C1QTNF7: variants seen among roughly 807,000 people sequenced by gnomAD.
C1QTNF7 encodes complement C1q tumor necrosis factor-related protein 7.
C1QTNF7 carries 15 observed loss-of-function variants against 19.6 expected under a neutral mutation model. The ratio of observed to expected loss-of-function variants is 0.76; its 90% CI spans 0.51 to 1.18. C1QTNF7 has a LOEUF of 1.18. Among genes scored for constraint, C1QTNF7 ranks in the 50% most tolerant of loss-of-function variants. C1QTNF7 has a pLI of 0.00. For missense variants in C1QTNF7, 324 were observed against 359.7 expected (o/e 0.90, Z 0.80); for synonymous variants, 142 against 137.5 (o/e 1.03, Z -0.23).
intron 1 of C1QTNF7, chr4:15,374,149 G>T (rs1717836719): frequency 6.6e-6 from 1 of 152,194 alleles, no homozygotes. Context: ...TGGCTTGACA[G>T]TCGGCTCTTA....
intron 1 of C1QTNF7, among the ~76,000 whole-genome samples, chr4:15,368,840 C>A (rs1247587612): frequency 6.6e-6 from 1 of 152,204 alleles, no homozygotes; most frequent in Non-Finnish European, 1.5e-5. Flanking sequence ...ACTTGTTAGT[C>A]TCACTGGTTG....
intron 1 of C1QTNF7, among the ~76,000 whole-genome samples, chr4:15,401,216 G>A (rs1362244638): frequency 6.6e-6 from 1 of 152,196 alleles, no homozygotes; most frequent in Non-Finnish European, 1.5e-5. Context: ...TGTAGGGATA[G>A]TCTCTGATGA....
intron 1 of C1QTNF7, among the ~76,000 whole-genome samples, chr4:15,363,311 T>C (rs1236581691): frequency 1.3e-5 from 2 of 152,120 alleles, no homozygotes; most frequent in East Asian, 3.9e-4. Context: ...AAGACATGTT[T>C]AATTGTTATT....
intron 1 of C1QTNF7, among the ~76,000 whole-genome samples, chr4:15,429,655 C>A (rs1005668449): frequency 6.6e-6 from 1 of 152,170 alleles, no homozygotes; most frequent in Non-Finnish European, 1.5e-5. Flanking sequence ...ACTTGGGTTG[C>A]TTCCACCTTT....
At chr4:15,411,639 G>A (rs1359048842) in intron 1 of C1QTNF7, among the ~76,000 whole-genome samples, 15 of 152,096 alleles carry the variant, frequency 9.9e-5, no homozygotes, top group African/African-American at 1.9e-4. Flanking sequence ...AAACCAACCC[G>A]GACACCCCTA....
chr4:15,393,334 A>G (rs1421380395), intron 1 of C1QTNF7, among the ~76,000 whole-genome samples: 13 of 152,196 alleles, frequency 8.5e-5, no homozygotes, highest in Admixed American at 6.5e-5. Flanking sequence ...GCTGGAAACA[A>G]CGTGGGTCCC....
At chr4:15,432,850 A>C (rs916138448) in intron 1 of C1QTNF7, among the ~76,000 whole-genome samples, 4 of 152,176 alleles carry the variant, frequency 2.6e-5, no homozygotes, top group Non-Finnish European at 5.9e-5. Flanking sequence ...TCAATGAATA[A>C]ATCTGTTTAC....
chr4:15,409,389 G>A (rs1243011559), intron 1 of C1QTNF7, among the ~76,000 whole-genome samples: 3 of 152,158 alleles, frequency 2.0e-5, no homozygotes, highest in Admixed American at 6.5e-5. Flanking sequence ...TGCAGCTTGC[G>A]AATGGGCCTC....
chr4:15,360,923 T>C (rs1470023121), intron 1 of C1QTNF7, among the ~76,000 whole-genome samples: 1 of 152,200 alleles, frequency 6.6e-6, no homozygotes, highest in Non-Finnish European at 1.5e-5. Context: ...AGTCAAGTCA[T>C]GTTAGGTAGG....
At chr4:15,407,786 G>T (rs1482124127) in intron 1 of C1QTNF7, among the ~76,000 whole-genome samples, 1 of 152,150 alleles carries the variant, frequency 6.6e-6, no homozygotes, top group African/African-American at 2.4e-5. Flanking sequence ...TGTTAGCCGG[G>T]TGTGGTGGTG....
chr4:15,418,583 G>A (rs1372782299), intron 1 of C1QTNF7, among the ~76,000 whole-genome samples: 1 of 151,974 alleles, frequency 6.6e-6, no homozygotes, highest in African/African-American at 2.4e-5. Flanking sequence ...AGTGACTTTC[G>A]CTGATCTCCC....
chr4:15,359,219 C>T (rs1384132911), intron 1 of C1QTNF7, among the ~76,000 whole-genome samples: 1 of 152,144 alleles, frequency 6.6e-6, no homozygotes, highest in African/African-American at 2.4e-5. Flanking sequence ...AACCAGTATC[C>T]TTGTGCCCAA....
rs1712973816 is a variant in C1QTNF7, at chr4:15,445,796, T to C, written c.*2997T>C. 6.6e-6 allele frequency: 1 copy of C among 152,188 alleles called. No homozygotes were observed. The highest frequency in any genetic ancestry group is 1.5e-5 in the Non-Finnish European group (1 of 68,036). 9.4% of individuals were successfully genotyped at this position (152,188 alleles called of 1,614,324 possible). A position where few individuals can be genotyped will look rare whatever the true frequency, so the allele number is the denominator to read the frequency against. ...TAAAGGCTGACTTGTAATGAATATG[T>C]ATTAAGCAATATTTATTGACTATAC... On this transcript the variant is annotated 3_prime_UTR_variant, in exon 3 of 3. Coordinates refer to ENST00000444304, the MANE Select transcript of C1QTNF7 (RefSeq NM_031911.5).
At chr4:15,387,187 G>A (rs1176465061) in intron 1 of C1QTNF7, among the ~76,000 whole-genome samples, 4 of 152,196 alleles carry the variant, frequency 2.6e-5, no homozygotes, top group Non-Finnish European at 4.4e-5. Flanking sequence ...CTGAGCATCC[G>A]AAAGAATTTG....
chr4:15,379,319 A>G (rs1718060112), intron 1 of C1QTNF7, among the ~76,000 whole-genome samples: 2 of 152,228 alleles, frequency 1.3e-5, no homozygotes, highest in Admixed American at 1.3e-4. Context: ...AATTTCAACC[A>G]GAGAATAGTG....
chr4:15,387,901 G>A, intron 1 of C1QTNF7, among the ~76,000 whole-genome samples: 1 of 152,148 alleles, frequency 6.6e-6, no homozygotes, highest in East Asian at 1.9e-4. Flanking sequence ...AGAAGGAAAT[G>A]TATGCAGGAC....
At chr4:15,386,726 A>C (rs953004218) in intron 1 of C1QTNF7, among the ~76,000 whole-genome samples, 1 of 152,166 alleles carries the variant, frequency 6.6e-6, no homozygotes, top group Non-Finnish European at 1.5e-5. Flanking sequence ...TCTGAGGGAA[A>C]GGCTTTCTAG....
At chr4:15,350,505 A>G (rs552833547) in intron 1 of C1QTNF7, among the ~76,000 whole-genome samples, 172 of 152,242 alleles carry the variant, frequency 1.1e-3, no homozygotes, top group African/African-American at 4.1e-3. Context: ...AGATCTGCAG[A>G]TGAATTCCTC....
intron 2 of C1QTNF7, 42 bp from the exon 3 acceptor site, chr4:15,442,126 C>A: frequency 6.5e-7 from 1 of 1,540,486 alleles, no homozygotes; most frequent in Non-Finnish European, 8.7e-7. Flanking sequence ...GTGATTATAT[C>A]TTTTGAGGAA....
Sources: gnomAD v4.1 joint callset for allele counts (sites outside exome capture counted in the v4.1 genomes callset) on GRCh38, gnomAD v4.1.1 for gene constraint, MANE v1.5 for transcripts, NCBI Gene and HGNC (gene_info 2026-07-23, HGNC 2026-07-21) for gene names.